VPS13B: variants seen among roughly 807,000 people sequenced by gnomAD.
VPS13B encodes the protein intermembrane lipid transfer protein VPS13B.
Under a neutral mutation model 426.4 loss-of-function variants are expected in VPS13B, and 285 were observed. That is an observed-to-expected ratio of 0.67 (90% CI 0.61 to 0.74). The LOEUF (loss-of-function observed/expected upper bound fraction) is 0.74, where lower values mean the gene tolerates loss of function less well. Among genes scored for constraint, VPS13B ranks in the 30% least tolerant of loss-of-function variants. VPS13B has a pLI of 0.00. For missense variants in VPS13B, 4,537 were observed against 4,782.6 expected (o/e 0.95, Z 1.51); for synonymous variants, 1,676 against 1,676.4 (o/e 1.00, Z 0.01).
At chr8:99,290,613 C>A (rs918182848) in intron 19 of VPS13B, among the ~76,000 whole-genome samples, 1 of 150,478 alleles carries the variant, frequency 6.6e-6, no homozygotes, top group African/African-American at 2.5e-5. Context: ...ATGTAACAAA[C>A]CTGCACGTTG....
intron 31 of VPS13B, among the ~76,000 whole-genome samples, chr8:99,574,037 T>C (rs1825629965): frequency 1.3e-5 from 2 of 152,198 alleles, no homozygotes; most frequent in African/African-American, 4.8e-5. Context: ...GTTGTATTCC[T>C]AGGTATTTTT....
At chr8:99,061,863 A>G (rs1164730556) in intron 3 of VPS13B, among the ~76,000 whole-genome samples, 1 of 152,240 alleles carries the variant, frequency 6.6e-6, no homozygotes, top group African/African-American at 2.4e-5. Flanking sequence ...AATAATAATA[A>G]CTATTACTGC....
chr8:99,835,418 A>T (rs1414578273), intron 53 of VPS13B, 94 bp downstream of exon 53: 5 of 1,501,820 alleles, frequency 3.3e-6, no homozygotes, highest in Non-Finnish European at 4.6e-6. Context: ...TGTGAAAAAA[A>T]TATTTAAATA....
At chr8:99,040,854 A>G (rs1051942269) in intron 3 of VPS13B, among the ~76,000 whole-genome samples, 1 of 152,186 alleles carries the variant, frequency 6.6e-6, no homozygotes, top group African/African-American at 2.4e-5. Flanking sequence ...CTTAAATCAG[A>G]TAAGATCATT....
rs150053070 is a variant in VPS13B at position 99,783,959 on chromosome 8, C to T, written c.7780-356C>T. Among the ~76,000 whole-genome samples the T allele has an allele frequency of 2.6e-5, 4 of 152,262 alleles. No individual in the cohort carries two copies. The East Asian group carries it at 5.8e-4, about 22-fold the overall frequency. ...GCTGGGAACATGGTAATTCTAGCCTCCAGTACTCTGCTCAAAAACGTGCAC... is the reference window on the plus strand; with the variant it reads ...GCTGGGAACATGGTAATTCTAGCCTTCAGTACTCTGCTCAAAAACGTGCAC... On this transcript the variant is annotated intron_variant, in intron 42 of 61. Coordinates refer to ENST00000357162, the MANE Select transcript of VPS13B (RefSeq NM_152564.5).
intron 33 of VPS13B, among the ~76,000 whole-genome samples, chr8:99,606,823 T>G (rs1158766791): frequency 2.6e-5 from 4 of 152,072 alleles, no homozygotes; most frequent in African/African-American, 9.7e-5. Flanking sequence ...CTTCCTGCAT[T>G]ATATGGCTTA....
chr8:99,318,006 C>A (rs1420729584), intron 19 of VPS13B, among the ~76,000 whole-genome samples: 1 of 152,008 alleles, frequency 6.6e-6, no homozygotes, highest in African/African-American at 2.4e-5. Flanking sequence ...CATTACGGAG[C>A]CTTTAGAAAG....
intron 22 of VPS13B, among the ~76,000 whole-genome samples, chr8:99,431,930 T>C (rs903479770): frequency 2.0e-5 from 3 of 152,122 alleles, no homozygotes; most frequent in Non-Finnish European, 4.4e-5. Flanking sequence ...CTACTTTTTG[T>C]TTAAGCATTA....
Position 99,699,879 on chromosome 8 carries a change from C to G in VPS13B, c.6401C>G (p.Ser2134Cys), listed in dbSNP as rs367838871. The change falls in exon 36 of 62, where the codon TCT (serine) becomes TGT (cysteine). Residue 2134 changes from serine (S) to cysteine (C), a missense_variant. Physicochemically the swap from Ser to Cys is moderately radical, Grantham distance 112. This residue lies in a region of VPS13B where 4,311 missense variants were observed against 4,474.3 expected (regional missense o/e 0.96). Transcript: ENST00000357162. ...PHTSKPCLLA[S>C]LSNLNGSLSV... Reference sequence around the variant, plus strand: ...ACCAGCAAACCATGCCTGTTAGCATCTCTCTCAAACCTCAATGGAAGCCTT... The same window carrying G: ...ACCAGCAAACCATGCCTGTTAGCATGTCTCTCAAACCTCAATGGAAGCCTT... 6.2e-6 allele frequency: 10 copies of G among 1,613,740 alleles called. No individual in the cohort carries two copies. Among genetic ancestry groups the G allele is most frequent in the Non-Finnish European group, 7.6e-6 (9 of 1,179,958 alleles).
intron 16 of VPS13B, among the ~76,000 whole-genome samples, chr8:99,181,781 C>T (rs2132696548): frequency 6.6e-6 from 1 of 151,962 alleles, no homozygotes; most frequent in Non-Finnish European, 1.5e-5. Context: ...TGTTTTTAAT[C>T]ACATGTATTA....
At chr8:99,730,630 A>G (rs1465443945) in intron 39 of VPS13B, among the ~76,000 whole-genome samples, 1 of 151,920 alleles carries the variant, frequency 6.6e-6, no homozygotes, top group Non-Finnish European at 1.5e-5. Context: ...TGAGAGAGAG[A>G]CACAAAAGTG....
At chr8:99,103,240 G>C in intron 5 of VPS13B, 120 bp downstream of exon 5, 2 of 1,179,762 alleles carry the variant, frequency 1.7e-6, no homozygotes, top group Non-Finnish European at 1.3e-6. Context: ...CATGCCTCCA[G>C]TGTGGGAAAA....
intron 33 of VPS13B, among the ~76,000 whole-genome samples, chr8:99,640,040 GAAGAAGAAGAGAAA>G (rs1486061785): frequency 2.3e-4 from 26 of 110,968 alleles, no homozygotes; most frequent in Admixed American, 1.4e-3. Flanking sequence ...AGAAGAAGAA[GAAGAAGAAGAGAAA>G]AGAAAAGAAA....
intron 21 of VPS13B, among the ~76,000 whole-genome samples, chr8:99,393,431 AC>A (rs1447110034): frequency 6.6e-6 from 1 of 152,124 alleles, no homozygotes; most frequent in African/African-American, 2.4e-5. Context: ...AAATATGAAA[AC>A]ATAAACAACA....
intron 2 of VPS13B, among the ~76,000 whole-genome samples, chr8:99,016,418 G>T (rs1461865610): frequency 1.3e-5 from 2 of 150,442 alleles, no homozygotes; most frequent in African/African-American, 4.9e-5. Flanking sequence ...TTTCTAGTGG[G>T]TGTGTAGTGA....
At chr8:99,455,935 G>A (rs549165088) in intron 23 of VPS13B, among the ~76,000 whole-genome samples, 2 of 152,284 alleles carry the variant, frequency 1.3e-5, no homozygotes, top group Non-Finnish European at 2.9e-5. Flanking sequence ...ACATGTATTT[G>A]TATGGACAGA....
At chr8:99,587,282 T>C (rs1563811100) in intron 33 of VPS13B, among the ~76,000 whole-genome samples, 1 of 152,192 alleles carries the variant, frequency 6.6e-6, no homozygotes, top group Non-Finnish European at 1.5e-5. Flanking sequence ...ACAATAAACA[T>C]ATGTGTGCAT....
intron 19 of VPS13B, among the ~76,000 whole-genome samples, chr8:99,309,493 GA>G (rs1820831657): frequency 6.6e-6 from 1 of 152,162 alleles, no homozygotes; most frequent in South Asian, 2.1e-4. Flanking sequence ...TATGGTTGTA[GA>G]TGTGTGGTAT....
At chr8:99,501,362 C>T (rs1821225072) in intron 25 of VPS13B, among the ~76,000 whole-genome samples, 1 of 152,142 alleles carries the variant, frequency 6.6e-6, no homozygotes, top group Non-Finnish European at 1.5e-5. Flanking sequence ...TTCCCCAATA[C>T]AGACAGATTA....
Sources: allele counts gnomAD v4.1 joint callset (sites outside exome capture counted in the v4.1 genomes callset), GRCh38; gene constraint gnomAD v4.1.1; regional missense constraint gnomAD v4.1.1; transcripts MANE v1.5; gene names NCBI Gene and HGNC (gene_info 2026-07-23, HGNC 2026-07-21).